The following JAKMIP3 variants were observed in gnomAD, a reference collection of about 807,000 sequenced individuals.
The protein encoded by JAKMIP3 is janus kinase and microtubule-interacting protein 3.
In JAKMIP3, 58 loss-of-function variants were observed where a neutral mutation model predicts 118.5. The observed-to-expected ratio is 0.49, with a 90% CI of 0.40 to 0.61. The LOEUF (loss-of-function observed/expected upper bound fraction) is 0.61, where lower values mean the gene tolerates loss of function less well. Ranked by LOEUF, JAKMIP3 falls within the 20% of genes least tolerant of loss-of-function variation. The probability of loss-of-function intolerance (pLI) is 0.00; values close to 1 mark genes in which losing one functional copy is unlikely to be tolerated. For missense variants in JAKMIP3, 950 were observed against 1,109.0 expected (o/e 0.86, Z 2.04); for synonymous variants, 486 against 451.2 (o/e 1.08, Z -0.98).
At chr10:132,125,169 C>T (rs1192957317) in intron 3 of JAKMIP3, among the ~76,000 whole-genome samples, 1 of 152,230 alleles carries the variant, frequency 6.6e-6, no homozygotes, top group Non-Finnish European at 1.5e-5. Context: ...TGAAGTTGCC[C>T]CCTCTGTGTC....
chr10:132,180,778 T>C (rs28483887), intron 23 of JAKMIP3, among the ~76,000 whole-genome samples: 2,431 of 46,378 alleles, frequency 0.052, 710 homozygotes, highest in Non-Finnish European at 0.082. Context: ...TGCGTGTGTG[T>C]GTGTGCGCGT....
At chr10:132,138,052 A>C in intron 8 of JAKMIP3, 67 bp from the exon 9 acceptor site, 60 of 1,452,996 alleles carry the variant, frequency 4.1e-5, no homozygotes, top group Non-Finnish European at 5.2e-5. Context: ...CACGGGCAGT[A>C]AACCGTGGAC....
rs1390017147 is a variant in JAKMIP3 at position 132,078,793 on chromosome 10, G to C, written c.-138+12732G>C. ...TTTCCCCCCAGGCCCGTTTGAAGCT[G>C]CTCCCTTGGCCCGGCCGCCAGAACC... On this transcript the variant is annotated intron_variant, in intron 1 of 23. Transcript: ENST00000684848. 5.4e-5 allele frequency among the ~76,000 whole-genome samples: 8 copies of C among 148,480 alleles called. 1 individual carries two copies. The South Asian group carries it at 1.7e-3, about 32-fold the overall frequency.
upstream of JAKMIP3, among the ~76,000 whole-genome samples, chr10:132,064,814 C>T (rs73395750): frequency 0.11 from 16,858 of 152,198 alleles, 1,036 homozygotes; most frequent in Middle Eastern, 0.18. The surrounding 1 kb of genome is among the most constrained non-coding windows in gnomAD (Gnocchi z 4.4). Context: ...CTGGCCTGCC[C>T]TGTGCCATCC....
intron 1 of JAKMIP3, among the ~76,000 whole-genome samples, chr10:132,045,507 G>A (rs2037881415): frequency 6.6e-6 from 1 of 152,188 alleles, no homozygotes. Flanking sequence ...TGAGGCCCTT[G>A]TGTCTTCCAG....
At chr10:132,180,682 CGTGT>C (rs1252104198) in intron 23 of JAKMIP3, among the ~76,000 whole-genome samples, 125 of 5,500 alleles carry the variant, frequency 0.023, 55 homozygotes, top group Non-Finnish European at 0.042. Flanking sequence ...TGTGCGCGCG[CGTGT>C]GTGTGCGTGC....
At chr10:132,181,698 TCTTA>T (rs2061500196) in intron 23 of JAKMIP3, among the ~76,000 whole-genome samples, 1 of 152,268 alleles carries the variant, frequency 6.6e-6, no homozygotes, top group Non-Finnish European at 1.5e-5. Context: ...GGTAATATCT[TCTTA>T]CTTAGAAGTT....
chr10:132,139,037 T>C (rs970687012), intron 9 of JAKMIP3, among the ~76,000 whole-genome samples: 2 of 146,556 alleles, frequency 1.4e-5, no homozygotes, highest in African/African-American at 5.1e-5. Context: ...ACTCATCTCC[T>C]GCTTTATGTT....
intron 1 of JAKMIP3, among the ~76,000 whole-genome samples, chr10:132,074,078 G>A (rs1564869107): frequency 6.6e-6 from 1 of 152,166 alleles, no homozygotes; most frequent in Non-Finnish European, 1.5e-5. Flanking sequence ...TTGAGACAGA[G>A]TCTGGCTCTG....
Position 132,153,992 on chromosome 10 carries a change from T to G in JAKMIP3, c.2220+2T>G. ...CAGGCCTTGGACCAGGCCAACAAGG[T>G]GAGAGGCACGAGACTGCTGGAACCC... On this transcript the variant is annotated splice_donor_variant, in intron 19 of 23. Transcript: ENST00000684848. LOFTEE classifies it high-confidence loss of function. The G allele has an allele frequency of 6.2e-7, 1 of 1,612,504 alleles. No individual in the cohort carries two copies. Among genetic ancestry groups the G allele is most frequent in the Non-Finnish European group, 8.5e-7 (1 of 1,179,666 alleles).
At chr10:132,115,431 G>A (rs529202523) in intron 2 of JAKMIP3, among the ~76,000 whole-genome samples, 1 of 152,326 alleles carries the variant, frequency 6.6e-6, no homozygotes, top group East Asian at 1.9e-4. Flanking sequence ...TGTCAGCCTG[G>A]CTGCACTCAT....
chr10:132,090,158 G>A (rs1215129793), intron 1 of JAKMIP3, among the ~76,000 whole-genome samples: 1 of 152,208 alleles, frequency 6.6e-6, no homozygotes, highest in African/African-American at 2.4e-5. Context: ...AGGGATATTG[G>A]TCTAAAATTC....
chr10:132,036,628 G>T (rs887369492), upstream of JAKMIP3, among the ~76,000 whole-genome samples: 2 of 151,082 alleles, frequency 1.3e-5, no homozygotes, highest in African/African-American at 4.8e-5. Flanking sequence ...GGGCGGGCCG[G>T]GTTCGGGGCT....
At chr10:132,100,905 G>A (rs11598287) in intron 1 of JAKMIP3, among the ~76,000 whole-genome samples, 49,769 of 151,932 alleles carry the variant, frequency 0.33, 8,336 homozygotes, top group Middle Eastern at 0.44. Context: ...AGAGCTTGCC[G>A]CAGACCCCAG....
intron 23 of JAKMIP3, among the ~76,000 whole-genome samples, chr10:132,175,214 T>G (rs542561498): frequency 6.6e-6 from 1 of 152,342 alleles, no homozygotes; most frequent in East Asian, 1.9e-4. Context: ...TCCCATTTCC[T>G]TCTAGAATCT....
chr10:132,153,648 G>GGA, intron 17 of JAKMIP3, 111 bp from the exon 18 acceptor site: 2 of 1,038,132 alleles, frequency 1.9e-6, no homozygotes, highest in African/African-American at 3.1e-5. Flanking sequence ...CCCTCCCTAA[G>GGA]GAGAAGAGGA....
At chr10:132,150,468 A>G (rs2055887784) in intron 16 of JAKMIP3, among the ~76,000 whole-genome samples, 1 of 152,214 alleles carries the variant, frequency 6.6e-6, no homozygotes. Flanking sequence ...TCCTTGAAAG[A>G]ATGTTAATTA....
At chr10:132,151,855 C>T (rs1411095746) in intron 16 of JAKMIP3, among the ~76,000 whole-genome samples, 1 of 152,234 alleles carries the variant, frequency 6.6e-6, no homozygotes, top group Non-Finnish European at 1.5e-5. Flanking sequence ...CATGGCCAGG[C>T]TTAAGCTCAG....
intron 11 of JAKMIP3, chr10:132,144,783 G>A (rs955999424): frequency 3.2e-5 from 7 of 218,208 alleles, no homozygotes; most frequent in Admixed American, 5.7e-5. Flanking sequence ...ACAAAAATTA[G>A]TGGGGTGTGG....
Sources: gnomAD v4.1 joint callset for allele counts (sites outside exome capture counted in the v4.1 genomes callset) on GRCh38, gnomAD v4.1.1 for gene constraint, Gnocchi (gnomAD v3.1) non-coding constraint, MANE v1.5 for transcripts, NCBI Gene and HGNC (gene_info 2026-07-23, HGNC 2026-07-21) for gene names.